IL1RAPL2: variants seen among roughly 807,000 people sequenced by gnomAD.
IL1RAPL2 encodes interleukin 1 receptor accessory protein like 2, also known as X-linked interleukin-1 receptor accessory protein-like 2.
IL1RAPL2 carries 3 observed loss-of-function variants against 44.1 expected under a neutral mutation model. The observed-to-expected ratio is 0.07, with a 90% CI of 0.03 to 0.18. IL1RAPL2 has a LOEUF of 0.18. IL1RAPL2 is among the 10% of genes least tolerant of loss of function. The probability of loss-of-function intolerance (pLI) is 1.00; values close to 1 mark genes in which losing one functional copy is unlikely to be tolerated. For missense variants in IL1RAPL2, 391 were observed against 496.4 expected, an observed-to-expected ratio of 0.79 and a Z score of 2.02; for synonymous variants, 181 against 178.8, an observed-to-expected ratio of 1.01 and a Z score of -0.10.
chrX:104,775,040 A>G (rs960972883), intron 2 of IL1RAPL2, among the ~76,000 whole-genome samples: 2 of 112,322 alleles, frequency 1.8e-5, no homozygotes, highest in Non-Finnish European at 3.8e-5. Flanking sequence ...ATGTGCACCG[A>G]GTGTCAGCAG....
At chrX:105,680,627 T>G (rs1167568485) in intron 6 of IL1RAPL2, among the ~76,000 whole-genome samples, 1 of 112,011 alleles carries the variant, frequency 8.9e-6, no homozygotes, top group Non-Finnish European at 1.9e-5. Flanking sequence ...GCTATGAAAA[T>G]AAAAATGTTC....
At chrX:104,720,405 T>C (rs1165098768) in intron 2 of IL1RAPL2, among the ~76,000 whole-genome samples, 3 of 111,764 alleles carry the variant, frequency 2.7e-5, no homozygotes, top group Non-Finnish European at 5.7e-5. Context: ...AAACATAAGG[T>C]ATACATAAAC....
intron 2 of IL1RAPL2, among the ~76,000 whole-genome samples, chrX:105,110,291 T>C (rs2032787989): frequency 8.9e-6 from 1 of 112,322 alleles, no homozygotes; most frequent in Non-Finnish European, 1.9e-5. Context: ...GGAGGCAACT[T>C]GTATTTTCTG....
intron 2 of IL1RAPL2, among the ~76,000 whole-genome samples, chrX:104,671,844 A>G (rs1930610980): frequency 1.8e-5 from 2 of 112,024 alleles, no homozygotes; most frequent in South Asian, 7.4e-4. Context: ...AATTGTGGCC[A>G]GAGCACAGCC....
intron 2 of IL1RAPL2, among the ~76,000 whole-genome samples, chrX:104,714,986 T>G (rs1931529389): frequency 9.0e-6 from 1 of 111,380 alleles, no homozygotes; most frequent in Admixed American, 9.5e-5. Flanking sequence ...AGAATGATGC[T>G]GACATCATGC....
chrX:105,043,948 A>T (rs1470764112), intron 2 of IL1RAPL2, among the ~76,000 whole-genome samples: 1 of 112,133 alleles, frequency 8.9e-6, no homozygotes, highest in African/African-American at 3.2e-5. Flanking sequence ...ATGAGTATCA[A>T]TTACAGTATT....
At chrX:104,955,971 T>G (rs1749294625) in intron 2 of IL1RAPL2, among the ~76,000 whole-genome samples, 1 of 112,375 alleles carries the variant, frequency 8.9e-6, no homozygotes, top group Admixed American at 9.4e-5. Flanking sequence ...TGATCCAATG[T>G]TGCTTTCTGG....
intron 2 of IL1RAPL2, among the ~76,000 whole-genome samples, chrX:104,919,516 C>T (rs1293657500): frequency 3.3e-5 from 3 of 91,890 alleles, no homozygotes; most frequent in African/African-American, 8.2e-5. Context: ...TAAGCCACCA[C>T]GCCTGGCTTT....
chrX:104,991,012 T>C (rs2030652017), intron 2 of IL1RAPL2, among the ~76,000 whole-genome samples: 1 of 111,178 alleles, frequency 9.0e-6, no homozygotes, highest in African/African-American at 3.3e-5. Context: ...TGCATGAGAA[T>C]TGGCTTGAAA....
At chrX:105,173,572 A>C (rs1437247435) in intron 2 of IL1RAPL2, among the ~76,000 whole-genome samples, 1 of 111,057 alleles carries the variant, frequency 9.0e-6, no homozygotes, top group East Asian at 2.8e-4. Flanking sequence ...TGACAGATAA[A>C]TAATTAACAA....
chrX:105,194,409 C>A (rs1356951387), intron 2 of IL1RAPL2, among the ~76,000 whole-genome samples: 1 of 111,768 alleles, frequency 8.9e-6, no homozygotes, highest in African/African-American at 3.2e-5. Context: ...AAGGATACAG[C>A]GTATTTTGAT....
At chrX:105,647,534 G>A (rs1460331241) in intron 6 of IL1RAPL2, among the ~76,000 whole-genome samples, 4 of 111,649 alleles carry the variant, frequency 3.6e-5, no homozygotes, top group Non-Finnish European at 7.5e-5. Flanking sequence ...TCAGGTGTCA[G>A]CTGAGTTACA....
chrX:105,405,572 C>G, intron 5 of IL1RAPL2: 1 of 740,803 alleles, frequency 1.3e-6, no homozygotes, highest in Non-Finnish European at 2.1e-6. Context: ...AGGGGAAGGG[C>G]GAGAGGAGAA....
intron 2 of IL1RAPL2, among the ~76,000 whole-genome samples, chrX:104,984,270 T>G (rs1171335159): frequency 9.0e-6 from 1 of 111,583 alleles, no homozygotes; most frequent in Admixed American, 9.6e-5. Context: ...TTTCAAAACA[T>G]TTAATTGAGA....
intron 10 of IL1RAPL2, among the ~76,000 whole-genome samples, chrX:105,760,290 G>C (rs1443943285): frequency 8.9e-6 from 1 of 111,840 alleles, no homozygotes; most frequent in Non-Finnish European, 1.9e-5. Context: ...ATTGTCTTAA[G>C]TACTGGAGGA....
intron 2 of IL1RAPL2, among the ~76,000 whole-genome samples, chrX:104,841,100 G>C (rs1921890717): frequency 8.9e-6 from 1 of 111,828 alleles, no homozygotes; most frequent in South Asian, 3.7e-4. Flanking sequence ...ATTTAGGATA[G>C]TTAGCTCTTT....
intron 6 of IL1RAPL2, among the ~76,000 whole-genome samples, chrX:105,680,181 A>G (rs1463910595): frequency 2.7e-5 from 3 of 111,371 alleles, no homozygotes; most frequent in Non-Finnish European, 5.7e-5. Flanking sequence ...TTCTATTTTA[A>G]GTAGAGACGG....
intron 2 of IL1RAPL2, among the ~76,000 whole-genome samples, chrX:104,929,936 C>T (rs1243429704): frequency 8.9e-6 from 1 of 112,177 alleles, no homozygotes; most frequent in Admixed American, 9.5e-5. Flanking sequence ...TAAGCTTTTA[C>T]ACTTTTTCTG....
At chrX:105,457,877 T>C (rs1281166725) in intron 5 of IL1RAPL2, among the ~76,000 whole-genome samples, 1 of 110,887 alleles carries the variant, frequency 9.0e-6, no homozygotes, top group Non-Finnish European at 1.9e-5. Context: ...TATGTTTAAC[T>C]TTTTGAGAAA....
Sources: gnomAD v4.1 joint callset for allele counts (sites outside exome capture counted in the v4.1 genomes callset) on GRCh38, gnomAD v4.1.1 for gene constraint, MANE v1.5 for transcripts, NCBI Gene and HGNC (gene_info 2026-07-23, HGNC 2026-07-21) for gene names.